RAB18: variants seen among roughly 807,000 people sequenced by gnomAD.
RAB18 encodes ras-related protein Rab-18.
Under a neutral mutation model 28.5 loss-of-function variants are expected in RAB18, and 10 were observed. The ratio of observed to expected loss-of-function variants is 0.35; its 90% confidence interval spans 0.22 to 0.60. RAB18 has a LOEUF of 0.60. RAB18 is among the 20% of genes least tolerant of loss of function. The pLI is 0.78. For synonymous variants in RAB18, 93 were observed against 86.9 expected (o/e 1.07, Z -0.39); for missense variants, 188 against 244.2 (o/e 0.77, Z 1.53).
chr10:27,528,025 G>A (rs1834713616), intron 3 of RAB18, among the ~76,000 whole-genome samples: 1 of 151,998 alleles, frequency 6.6e-6, no homozygotes, highest in South Asian at 2.1e-4. Flanking sequence ...ACTAGAGTAT[G>A]GTAAAATGTG....
chr10:27,538,888 T>TC lies in RAB18; in HGVS notation c.*839dup. ...TTTTCATAAATGTTGGTAGTGTTTG[T>TC]CCAGGTACCTTAACTGTAGCTTGTG... On this transcript the variant is annotated 3_prime_UTR_variant, in exon 7 of 7. Transcript: ENST00000356940. 1 of 454,048 alleles carries TC rather than the reference T, an allele frequency of 2.2e-6. No individual in the cohort carries two copies. The highest frequency in any genetic ancestry group is 4.4e-6 in the Non-Finnish European group (1 of 226,726). 28.1% of individuals were successfully genotyped at this position (454,048 alleles called of 1,614,324 possible).
chr10:27,509,291 TAC>T (rs942214410), intron 1 of RAB18, among the ~76,000 whole-genome samples: 5 of 152,208 alleles, frequency 3.3e-5, no homozygotes, highest in African/African-American at 1.2e-4. Flanking sequence ...TACTTGGTTT[TAC>T]ACACTCTACC....
At chr10:27,523,262 CTTCTTTTTTT>C (rs1834598717) in intron 2 of RAB18, among the ~76,000 whole-genome samples, 2 of 49,284 alleles carry the variant, frequency 4.1e-5, no homozygotes, top group Non-Finnish European at 8.6e-5. Flanking sequence ...AGTTTTTCTT[CTTCTTTTTTT>C]TTTTTTTTTT....
chr10:27,524,928 A>G (rs554475054), intron 2 of RAB18, among the ~76,000 whole-genome samples: 1 of 152,308 alleles, frequency 6.6e-6, no homozygotes, highest in South Asian at 2.1e-4. Context: ...CCTTCAGGCT[A>G]CCTGTGTCTG....
At chr10:27,518,284 T>C (rs2477315) in intron 2 of RAB18, among the ~76,000 whole-genome samples, 42,941 of 152,098 alleles carry the variant, frequency 0.28, 6,522 homozygotes, top group Admixed American at 0.35. Flanking sequence ...ATATGATAAA[T>C]GCATATTTAA....
rs1834994539 is a variant in RAB18 at position 27,540,254 on chromosome 10, T to C, written c.*2203T>C. 1 of 454,048 alleles carries C rather than the reference T, an allele frequency of 2.2e-6. No homozygotes were observed. 28.1% of individuals were successfully genotyped at this position (454,048 alleles called of 1,614,324 possible). ...AAACCTCACAGCAACCTTAAGAGAT[T>C]AGTACTCCTATTATGCCCATTTTAA... On this transcript the variant is annotated 3_prime_UTR_variant, in exon 7 of 7. Coordinates refer to ENST00000356940, the MANE Select transcript of RAB18 (RefSeq NM_021252.5).
chr10:27,524,400 T>C (rs1241947948), intron 2 of RAB18, among the ~76,000 whole-genome samples: 3 of 152,244 alleles, frequency 2.0e-5, no homozygotes, highest in Non-Finnish European at 4.4e-5. Flanking sequence ...TAATATCTTC[T>C]GGTCTCCCAT....
rs985606908 is a variant in RAB18, at chr10:27,523,526, A to G, written c.125-3302A>G. On this transcript the variant is annotated intron_variant, in intron 2 of 6. Coordinates refer to ENST00000356940, the MANE Select transcript of RAB18 (RefSeq NM_021252.5). ...GTAGTTTCTGTTGCTGTGTCATCAC[A>G]TTCACTGATGTTTTCTTCTGCAGCG... 7.3e-5 allele frequency among the ~76,000 whole-genome samples: 11 copies of G among 150,794 alleles called. No homozygotes were observed. The South Asian group carries it at 1.7e-3, about 23-fold the overall frequency.
intron 1 of RAB18, among the ~76,000 whole-genome samples, chr10:27,509,186 A>C (rs1012050958): frequency 2.0e-5 from 3 of 151,516 alleles, no homozygotes; most frequent in Non-Finnish European, 4.4e-5. Context: ...TCTTCCATTG[A>C]TTTTCTTCCA....
At chr10:27,507,215 CA>C (rs1837863516) in intron 1 of RAB18, among the ~76,000 whole-genome samples, 1 of 151,074 alleles carries the variant, frequency 6.6e-6, no homozygotes, top group African/African-American at 2.4e-5. Context: ...TTGGGGAAAA[CA>C]AAGGATATGT....
Position 27,539,788 on chromosome 10 carries a change from C to T in RAB18, c.*1737C>T, listed in dbSNP as rs989871859. 3 of 452,330 alleles carry T rather than the reference C, an allele frequency of 6.6e-6. No individual in the cohort carries two copies. The highest frequency in any genetic ancestry group is 3.1e-5 in the South Asian group (2 of 63,846). The allele number at this position is 452,330 out of a possible 1,614,324, so 28.0% of individuals were successfully genotyped here. ...TTTGTTTGATAGATTTATATTGTAA[C>T]CTTTTTCTAGTTCTTGAATAAATAT... On this transcript the variant is annotated 3_prime_UTR_variant, in exon 7 of 7. Transcript: ENST00000356940.
At chr10:27,518,303 AAC>A (rs1248635421) in intron 2 of RAB18, among the ~76,000 whole-genome samples, 1 of 152,212 alleles carries the variant, frequency 6.6e-6, no homozygotes, top group African/African-American at 2.4e-5. Context: ...AACTTTGGAA[AAC>A]AGTTTGGCCA....
At chr10:27,519,136 T>C (rs1045402440) in intron 2 of RAB18, among the ~76,000 whole-genome samples, 7 of 151,080 alleles carry the variant, frequency 4.6e-5, no homozygotes, top group African/African-American at 1.7e-4. Flanking sequence ...ATAGGAAAAG[T>C]TGGTTTAACA....
intron 2 of RAB18, among the ~76,000 whole-genome samples, chr10:27,523,489 G>A (rs10829268): frequency 0.5 from 75,052 of 151,298 alleles, 18,663 homozygotes; most frequent in South Asian, 0.52. Flanking sequence ...TTTTCTTTCT[G>A]CTTCCTTTTG....
chr10:27,516,275 G>A (rs926580496), intron 2 of RAB18, among the ~76,000 whole-genome samples: 15 of 152,056 alleles, frequency 9.9e-5, no homozygotes, highest in Non-Finnish European at 1.8e-4. Flanking sequence ...AAATCTTTGG[G>A]CCAGGCGCAG....
Position 27,540,032 on chromosome 10 carries a change from A to G in RAB18, c.*1981A>G. The G allele has an allele frequency of 2.2e-6, 1 of 454,058 alleles. No homozygotes were observed. 28.1% of individuals were successfully genotyped at this position (454,058 alleles called of 1,614,324 possible). On this transcript the variant is annotated 3_prime_UTR_variant, in exon 7 of 7. Transcript: ENST00000356940. The stretch of plus-strand genomic sequence containing the variant: ...TAACAGGGTTTTGTTAATTCTTTTC[A>G]GAATCATTGAAGCAGTCTTAAAGGG...
At chr10:27,536,390 A>G (rs1211693004) in intron 6 of RAB18, among the ~76,000 whole-genome samples, 1 of 152,160 alleles carries the variant, frequency 6.6e-6, no homozygotes, top group Non-Finnish European at 1.5e-5. Context: ...TCATCTCCAA[A>G]TAAAATCAGC....
At position 27,542,215 on chromosome 10, in the gene RAB18, T is replaced by C. The variant is rs1835054436; in HGVS notation, c.*4164T>C. The C allele has an allele frequency of 4.4e-6, 2 of 454,144 alleles. No homozygotes were observed. The highest frequency in any genetic ancestry group is 3.1e-5 in the South Asian group (2 of 64,476). The allele number at this position is 454,144 out of a possible 1,614,324, so 28.1% of individuals were successfully genotyped here. A position where few individuals can be genotyped will look rare whatever the true frequency, so the allele number is the denominator to read the frequency against. On this transcript the variant is annotated 3_prime_UTR_variant, in exon 7 of 7. Transcript: ENST00000356940. ...CTCAGCTTTCACTTATGTGAGCCAA[T>C]AAATTCCTTTTTTGTTGAAGGCAAT...
intron 1 of RAB18, among the ~76,000 whole-genome samples, chr10:27,506,839 T>G (rs1365272909): frequency 6.6e-6 from 1 of 152,152 alleles, no homozygotes; most frequent in Non-Finnish European, 1.5e-5. Flanking sequence ...AGAAACAAAT[T>G]TACCGTGGGC....
Sources: allele counts gnomAD v4.1 joint callset (sites outside exome capture counted in the v4.1 genomes callset), GRCh38; gene constraint gnomAD v4.1.1; transcripts MANE v1.5; gene names NCBI Gene and HGNC (gene_info 2026-07-23, HGNC 2026-07-21).